The following PCDHGB7 variants were observed in gnomAD, a reference collection of about 807,000 sequenced individuals.
PCDHGB7 encodes protocadherin gamma subfamily B, 7.
In PCDHGB7, 37 loss-of-function variants were observed where a neutral mutation model predicts 61.4. That is an observed-to-expected ratio of 0.60 (90% CI 0.46 to 0.79). The LOEUF (loss-of-function observed/expected upper bound fraction) is 0.79, where lower values mean the gene tolerates loss of function less well. Ranked by LOEUF, PCDHGB7 falls within the 30% of genes least tolerant of loss-of-function variation. PCDHGB7 has a pLI of 0.00. For missense variants in PCDHGB7, 1,166 were observed against 1,202.5 expected, an observed-to-expected ratio of 0.97 and a Z score of 0.45; for synonymous variants, 464 against 503.5, an observed-to-expected ratio of 0.92 and a Z score of 1.05.
At chr5:141,484,315 C>T (rs1172379949) in intron 1 of PCDHGB7, among the ~76,000 whole-genome samples, 2 of 152,326 alleles carry the variant, frequency 1.3e-5, no homozygotes, top group African/African-American at 4.8e-5. Context: ...ACCCCGCTTC[C>T]ATACTGTCCT....
intron 1 of PCDHGB7, chr5:141,422,633 G>C: frequency 6.2e-7 from 1 of 1,613,120 alleles, no homozygotes; most frequent in Non-Finnish European, 8.5e-7. Context: ...AACCCCAGGG[G>C]TGCCTCCATC....
intron 3 of PCDHGB7, among the ~76,000 whole-genome samples, chr5:141,509,065 T>A (rs1294546432): frequency 6.6e-6 from 1 of 152,018 alleles, no homozygotes; most frequent in Non-Finnish European, 1.5e-5. Context: ...AGCTCTCAGC[T>A]CCGGGGATTT....
intron 1 of PCDHGB7, among the ~76,000 whole-genome samples, chr5:141,465,839 G>A (rs1166392052): frequency 6.6e-6 from 1 of 151,400 alleles, no homozygotes; most frequent in Non-Finnish European, 1.5e-5. Context: ...AATTTCAACT[G>A]AGGCTGGGCC....
Position 141,418,409 on chromosome 5 carries a change from G to C in PCDHGB7, c.550G>C (p.Asp184His). 2.5e-6 allele frequency: 4 copies of C among 1,613,910 alleles called. No homozygotes were observed. Among genetic ancestry groups the C allele is most frequent in the Admixed American group, 1.7e-5 (1 of 60,030 alleles). Residue 184 changes from aspartate to histidine, a missense_variant, in exon 1 of 4, where the codon GAC (aspartate) becomes CAC (histidine). Physicochemically the swap from Asp to His is moderately conservative, Grantham distance 81. Transcript: ENST00000398594. ...CGAGTATTTCTCATTGGTGGAGAAAGACAATCCTGATGGTGGCAAATATCC... is the reference window on the plus strand; with the variant it reads ...CGAGTATTTCTCATTGGTGGAGAAACACAATCCTGATGGTGGCAAATATCC... The part of the protein sequence containing the change: ...PNEYFSLVEK[D>H]NPDGGKYPEL...
In PCDHGB7 at chr5:141,489,522, C is replaced by T. The variant is rs371948070; in HGVS notation, c.2416-5285C>T. 2.5e-6 allele frequency: 4 copies of T among 1,614,088 alleles called. No individual in the cohort carries two copies. Among genetic ancestry groups the T allele is most frequent in the Non-Finnish European group, 3.4e-6 (4 of 1,180,036 alleles). On this transcript the variant is annotated intron_variant, in intron 1 of 3. Coordinates refer to ENST00000398594, the MANE Select transcript of PCDHGB7 (RefSeq NM_018927.4). The surrounding 1 kb of genome is among the most constrained non-coding windows in gnomAD (Gnocchi z 4.5). ...TGAATCAAAAGATTGACCGAGAAAG[C>T]CTATGTGGAGCCAGCACCAGCTGCC...
Position 141,431,300 on chromosome 5 carries a change from A to G in PCDHGB7, c.2415+11026A>G, listed in dbSNP as rs200375087. 7.4e-6 allele frequency: 12 copies of G among 1,614,008 alleles called. No homozygotes were observed. Among genetic ancestry groups the G allele is most frequent in the Admixed American group, 1.7e-5 (1 of 60,010 alleles). ...CAGCCCGAACACTCACTTCTCCCTC[A>G]TCGTGCAAAATGGAGCCGACGGTAG... On this transcript the variant is annotated intron_variant, in intron 1 of 3. Coordinates refer to ENST00000398594, the MANE Select transcript of PCDHGB7 (RefSeq NM_018927.4). This position sits in a 1 kb window ranked among gnomAD's most constrained non-coding sequence, Gnocchi z 4.8.
At chr5:141,428,455 T>C (rs898393760) in intron 1 of PCDHGB7, 61 of 361,572 alleles carry the variant, frequency 1.7e-4, no homozygotes, top group African/African-American at 1.2e-3. Context: ...TTTTCCCAAC[T>C]ACAATGAGGG....
intron 1 of PCDHGB7, chr5:141,428,388 C>G (rs1299321513): frequency 4.0e-6 from 2 of 506,160 alleles, no homozygotes; most frequent in Non-Finnish European, 7.3e-6. Context: ...GCTCTTCCAG[C>G]CCCTCTGCCT....
In PCDHGB7 at chr5:141,476,504, G is replaced by A; in HGVS notation, c.2416-18303G>A. On this transcript the variant is annotated intron_variant, in intron 1 of 3. Coordinates refer to ENST00000398594, the MANE Select transcript of PCDHGB7 (RefSeq NM_018927.4). This position sits in a 1 kb window ranked among gnomAD's most constrained non-coding sequence, Gnocchi z 7.6. ...GGAAGTGGTGATCCAGGACATCAAC[G>A]ACAACAATCCTGCTTTCCCTACCCA... The A allele has an allele frequency of 6.2e-7, 1 of 1,614,098 alleles. No individual in the cohort carries two copies. The highest frequency in any genetic ancestry group is 2.2e-5 in the East Asian group (1 of 44,854).
At chr5:141,467,361 G>T (rs555435172) in intron 1 of PCDHGB7, among the ~76,000 whole-genome samples, 2 of 151,742 alleles carry the variant, frequency 1.3e-5, no homozygotes, top group Non-Finnish European at 2.9e-5. Flanking sequence ...CCAAATCAAC[G>T]TTTTCTTATA....
rs1265360670 is a variant in PCDHGB7, at chr5:141,435,001, T to A, written c.2415+14727T>A. On this transcript the variant is annotated intron_variant, in intron 1 of 3. Transcript: ENST00000398594. ...TACTCTATATCATTTTCTAGCTGAATTTATCAATGATAATGCTCTTTTCCC... is the reference window on the plus strand; with the variant it reads ...TACTCTATATCATTTTCTAGCTGAAATTATCAATGATAATGCTCTTTTCCC... Among the ~76,000 whole-genome samples the A allele has an allele frequency of 3.9e-5, 6 of 152,120 alleles. No homozygotes were observed. In the East Asian group the frequency reaches 1.2e-3, roughly 29 times the overall value.
chr5:141,490,896 G>C lies in PCDHGB7; in HGVS notation c.2416-3911G>C. The stretch of plus-strand genomic sequence containing the variant: ...TGCATGCCAACACATCTCTGCATGT[G>C]TTTGTCCTAGACGAGAATGATAATG... On this transcript the variant is annotated intron_variant, in intron 1 of 3. Coordinates refer to ENST00000398594, the MANE Select transcript of PCDHGB7 (RefSeq NM_018927.4). This position sits in a 1 kb window ranked among gnomAD's most constrained non-coding sequence, Gnocchi z 5.4. 2.5e-6 allele frequency: 4 copies of C among 1,613,938 alleles called. No homozygotes were observed. The highest frequency in any genetic ancestry group is 3.4e-6 in the Non-Finnish European group (4 of 1,179,922).
At chr5:141,474,156 A>T (rs1387216017) in intron 1 of PCDHGB7, among the ~76,000 whole-genome samples, 1 of 152,244 alleles carries the variant, frequency 6.6e-6, no homozygotes, top group Non-Finnish European at 1.5e-5. Context: ...CAAGAAAATG[A>T]CAGGCCTTAT....
chr5:141,427,428 T>A (rs1489623330), intron 1 of PCDHGB7: 1 of 470,472 alleles, frequency 2.1e-6, no homozygotes. Context: ...GGAGGTTACA[T>A]GCCTCATAAA....
chr5:141,422,996 C>T (rs1473025630), intron 1 of PCDHGB7: 1 of 1,614,224 alleles, frequency 6.2e-7, no homozygotes, highest in South Asian at 1.1e-5. Context: ...TACCTGGTGA[C>T]CAAGGTGGTT....
chr5:141,502,087 C>T (rs1289663374), intron 2 of PCDHGB7, among the ~76,000 whole-genome samples: 1 of 152,180 alleles, frequency 6.6e-6, no homozygotes, highest in Admixed American at 6.5e-5. Context: ...GGGCTGAGAA[C>T]ACCTGGCCTT....
At chr5:141,422,664 C>T (rs2096662670) in intron 1 of PCDHGB7, 4 of 1,608,458 alleles carry the variant, frequency 2.5e-6, no homozygotes, top group Non-Finnish European at 3.4e-6. Flanking sequence ...CCGCCCTCGA[C>T]CCGGACAGCA....
At chr5:141,433,091 A>C in intron 1 of PCDHGB7, 1 of 1,614,182 alleles carries the variant, frequency 6.2e-7, no homozygotes, top group Non-Finnish European at 8.5e-7. Flanking sequence ...CTATGCAGAC[A>C]TGCTCGTCAG....
At chr5:141,455,755 T>C (rs1283272521) in intron 1 of PCDHGB7, among the ~76,000 whole-genome samples, 1 of 152,150 alleles carries the variant, frequency 6.6e-6, no homozygotes, top group Non-Finnish European at 1.5e-5. Flanking sequence ...CTGGCCTGGC[T>C]CCTAGAGCCG....
Sources: gnomAD v4.1 joint callset for allele counts (sites outside exome capture counted in the v4.1 genomes callset) on GRCh38, gnomAD v4.1.1 for gene constraint, Gnocchi (gnomAD v3.1) non-coding constraint, MANE v1.5 for transcripts, NCBI Gene and HGNC (gene_info 2026-07-23, HGNC 2026-07-21) for gene names.